MYO1D: variants seen among roughly 807,000 people sequenced by gnomAD.
MYO1D encodes myosin ID.
In MYO1D, 83 loss-of-function variants were observed where a neutral mutation model predicts 122.0. The observed-to-expected ratio is 0.68, with a 90% CI of 0.57 to 0.82. The LOEUF (loss-of-function observed/expected upper bound fraction) is 0.82, where lower values mean the gene tolerates loss of function less well. MYO1D is among the 40% of genes least tolerant of loss of function. The pLI is 0.00. For missense variants in MYO1D, 1,157 were observed against 1,269.5 expected (o/e 0.91, Z 1.35); for synonymous variants, 464 against 446.9 (o/e 1.04, Z -0.48).
Position 32,712,290 on chromosome 17 carries a change from C to A in MYO1D, c.1914-95G>T. ...AAAATGCAAGACACCTCATAGAAAA[C>A]CAAATCTTAGCAAACTATCAATAGA... On this transcript the variant is annotated intron_variant, in intron 15 of 21. Coordinates refer to ENST00000318217, the MANE Select transcript of MYO1D (RefSeq NM_015194.3). 3 of 1,129,220 alleles carry A rather than the reference C, an allele frequency of 2.7e-6. No homozygotes were observed. The East Asian group carries it at 7.1e-5, about 27-fold the overall frequency. 70.0% of individuals were successfully genotyped at this position (1,129,220 alleles called of 1,614,324 possible). A position where few individuals can be genotyped will look rare whatever the true frequency, so the allele number is the denominator to read the frequency against.
intron 8 of MYO1D, among the ~76,000 whole-genome samples, chr17:32,764,635 A>T (rs912075204): frequency 5.9e-5 from 9 of 152,210 alleles, no homozygotes; most frequent in South Asian, 2.1e-4. Context: ...TGAGAGAAGC[A>T]GCACGTGAAG....
At chr17:32,729,957 G>A (rs536792984) in intron 14 of MYO1D, among the ~76,000 whole-genome samples, 48 of 152,126 alleles carry the variant, frequency 3.2e-4, no homozygotes, top group Non-Finnish European at 5.7e-4. Context: ...CATATATCTG[G>A]ATTCTTTTTC....
chr17:32,501,802 A>G (rs111645666), intron 21 of MYO1D, among the ~76,000 whole-genome samples: 1 of 152,334 alleles, frequency 6.6e-6, no homozygotes, highest in African/African-American at 2.4e-5. Flanking sequence ...TGGTAAATGT[A>G]AGGAAGTGTT....
At chr17:32,822,195 T>C (rs376885284) in intron 1 of MYO1D, among the ~76,000 whole-genome samples, 5 of 151,944 alleles carry the variant, frequency 3.3e-5, no homozygotes, top group African/African-American at 4.8e-5. Context: ...CATGCAGCCA[T>C]AAAAAAGGAT....
At chr17:32,694,591 C>T (rs1451557158) in intron 16 of MYO1D, among the ~76,000 whole-genome samples, 1 of 150,328 alleles carries the variant, frequency 6.7e-6, no homozygotes. Flanking sequence ...GTCCCAGCTA[C>T]TCGGGAGGCT....
intron 20 of MYO1D, among the ~76,000 whole-genome samples, chr17:32,611,994 A>G (rs1039157359): frequency 1.3e-5 from 2 of 152,248 alleles, no homozygotes; most frequent in African/African-American, 4.8e-5. Context: ...AACCAGTAGT[A>G]AAAAGAGAAT....
chr17:32,594,861 C>G (rs1161164818), intron 21 of MYO1D, among the ~76,000 whole-genome samples: 1 of 152,140 alleles, frequency 6.6e-6, no homozygotes, highest in Non-Finnish European at 1.5e-5. Flanking sequence ...TATGAAACTG[C>G]TGATCTGAGT....
chr17:32,652,397 T>C (rs1163303377), intron 19 of MYO1D, among the ~76,000 whole-genome samples: 1 of 152,214 alleles, frequency 6.6e-6, no homozygotes, highest in Non-Finnish European at 1.5e-5. Context: ...ACGTGTAAAA[T>C]CACCTAAACT....
At chr17:32,709,703 A>G (rs1459984140) in intron 16 of MYO1D, among the ~76,000 whole-genome samples, 2 of 152,154 alleles carry the variant, frequency 1.3e-5, no homozygotes, top group Non-Finnish European at 2.9e-5. Context: ...TGGCAACTGG[A>G]AGAAAAAATT....
intron 1 of MYO1D, among the ~76,000 whole-genome samples, chr17:32,784,873 G>C (rs979915078): frequency 6.6e-6 from 1 of 152,164 alleles, no homozygotes; most frequent in Admixed American, 6.5e-5. Flanking sequence ...CCCAGTCAGA[G>C]TAGAAGGCTG....
chr17:32,768,174 G>C (rs1180777901), intron 6 of MYO1D, among the ~76,000 whole-genome samples: 1 of 152,204 alleles, frequency 6.6e-6, no homozygotes, highest in Non-Finnish European at 1.5e-5. Flanking sequence ...ATTTAGGCTG[G>C]CAACAACACT....
chr17:32,524,051 T>G (rs185390942), intron 21 of MYO1D, among the ~76,000 whole-genome samples: 117 of 152,378 alleles, frequency 7.7e-4, no homozygotes, highest in African/African-American at 2.7e-3. Flanking sequence ...CAGCATGTGC[T>G]GCTGCTATTA....
At chr17:32,547,365 G>C (rs939455626) in intron 21 of MYO1D, among the ~76,000 whole-genome samples, 1 of 152,120 alleles carries the variant, frequency 6.6e-6, no homozygotes, top group African/African-American at 2.4e-5. Context: ...AAATTAATCT[G>C]CATAAAAATC....
At position 32,724,655 on chromosome 17, in the gene MYO1D, G is replaced by A. The variant is rs114891530; in HGVS notation, c.1747-3466C>T. ...TGGGCCTAGTGGGACAAAGATTAGC[G>A]AGCAAGGCCTGAAAAGGAGGGGACA... On this transcript the variant is annotated intron_variant, in intron 14 of 21. Coordinates refer to ENST00000318217, the MANE Select transcript of MYO1D (RefSeq NM_015194.3). 2.3e-3 allele frequency among the ~76,000 whole-genome samples: 355 copies of A among 152,192 alleles called. 3 individuals are homozygous for A. Among genetic ancestry groups the A allele is most frequent in the African/African-American group, 7.3e-3 (302 of 41,524 alleles).
At chr17:32,799,498 T>C (rs566387781) in intron 1 of MYO1D, among the ~76,000 whole-genome samples, 192 of 152,204 alleles carry the variant, frequency 1.3e-3, no homozygotes, top group Non-Finnish European at 2.1e-3. Context: ...AGAATGAAAA[T>C]ATAACTTTAT....
chr17:32,743,778 C>T (rs751014198), intron 13 of MYO1D, among the ~76,000 whole-genome samples: 1 of 151,958 alleles, frequency 6.6e-6, no homozygotes, highest in Non-Finnish European at 1.5e-5. Flanking sequence ...CCGCCACACC[C>T]GGCTAATTTT....
At chr17:32,659,498 C>T (rs2088527867) in intron 16 of MYO1D, 160 bp from the exon 17 acceptor site, 1 of 646,540 alleles carries the variant, frequency 1.5e-6, no homozygotes. Flanking sequence ...CACCTGCCAC[C>T]AACAGATGGC....
Position 32,819,976 on chromosome 17 carries a change from T to C in MYO1D, c.96-39192A>G, listed in dbSNP as rs564528789. 3.3e-5 allele frequency among the ~76,000 whole-genome samples: 5 copies of C among 152,332 alleles called. No individual in the cohort carries two copies. In the South Asian group the frequency reaches 6.2e-4, roughly 19 times the overall value. On this transcript the variant is annotated intron_variant, in intron 1 of 21. Coordinates refer to ENST00000318217, the MANE Select transcript of MYO1D (RefSeq NM_015194.3). ...ACTTTGCAAATCAAGCCACAGGTTG[T>C]TGGTAAGCCCACAGGTTGGTCATCT...
intron 12 of MYO1D, among the ~76,000 whole-genome samples, chr17:32,748,302 C>CA (rs2089860476): frequency 1.3e-5 from 2 of 152,110 alleles, no homozygotes; most frequent in Admixed American, 1.3e-4. Context: ...TCTTCATGTA[C>CA]AGGAGTTATT....
Sources: allele counts gnomAD v4.1 joint callset (sites outside exome capture counted in the v4.1 genomes callset), GRCh38; gene constraint gnomAD v4.1.1; transcripts MANE v1.5; gene names NCBI Gene and HGNC (gene_info 2026-07-23, HGNC 2026-07-21).